The following KIAA1328 variants were observed in gnomAD, a reference collection of about 807,000 sequenced individuals.
The protein encoded by KIAA1328 is protein hinderin.
A neutral mutation model predicts 68.1 loss-of-function variants in KIAA1328; 52 were observed. The ratio of observed to expected loss-of-function variants is 0.76; its 90% CI spans 0.61 to 0.96. KIAA1328 has a LOEUF of 0.96. Ranked by LOEUF, KIAA1328 falls within the 40% of genes least tolerant of loss-of-function variation. The pLI is 0.00. For missense variants in KIAA1328, 641 were observed against 677.6 expected (o/e 0.95, Z 0.60); for synonymous variants, 232 against 239.4 (o/e 0.97, Z 0.28).
At position 36,883,952 on chromosome 18, in the gene KIAA1328, G is replaced by GTATATATA. The variant is rs58707237; in HGVS notation, c.333-1594_333-1587dup. On this transcript the variant is annotated intron_variant, in intron 4 of 9. Transcript: ENST00000280020. ...TACAAATGCTTTCCATATTTATAAA[G>GTATATATA]TATATATATATATATATACACACAC... 1.2e-3 allele frequency among the ~76,000 whole-genome samples: 142 copies of GTATATATA among 120,816 alleles called. 8 individuals are homozygous for GTATATATA. Among genetic ancestry groups the GTATATATA allele is most frequent in the African/African-American group, 4.2e-3 (129 of 30,364 alleles). 79.3% of individuals were successfully genotyped at this position (120,816 alleles called of 152,430 possible).
chr18:37,220,430 T>C (rs982926795), intron 9 of KIAA1328, among the ~76,000 whole-genome samples: 1 of 152,220 alleles, frequency 6.6e-6, no homozygotes, highest in Admixed American at 6.5e-5. Context: ...AATAGTGGGT[T>C]TTTTCCTATC....
Position 36,954,687 on chromosome 18 carries a change from C to CT in KIAA1328, c.449-4603dup, listed in dbSNP as rs35883053. On this transcript the variant is annotated intron_variant, in intron 5 of 9. Transcript: ENST00000280020. ...CTTTCTTCTGTAAAGAAAGACTTCA[C>CT]TTTTTTTTTTTTTTTTTTCTTTTTG... Among the ~76,000 whole-genome samples the CT allele has an allele frequency of 6.4e-3, 769 of 121,048 alleles. 9 individuals are homozygous for CT. Among genetic ancestry groups the CT allele is most frequent in the African/African-American group, 0.018 (642 of 34,996 alleles). 79.4% of individuals were successfully genotyped at this position (121,048 alleles called of 152,430 possible).
At chr18:36,981,140 A>G (rs1242365976) in intron 6 of KIAA1328, among the ~76,000 whole-genome samples, 1 of 152,212 alleles carries the variant, frequency 6.6e-6, no homozygotes, top group Non-Finnish European at 1.5e-5. Flanking sequence ...CATCAGCAAG[A>G]GAAAAATTCA....
intron 9 of KIAA1328, among the ~76,000 whole-genome samples, chr18:37,187,717 C>T (rs886841804): frequency 6.6e-6 from 1 of 152,088 alleles, no homozygotes; most frequent in East Asian, 1.9e-4. Context: ...TTTTTTCCCC[C>T]CACTTGGGCT....
chr18:36,959,187 ACT>A, intron 5 of KIAA1328, 119 bp from the exon 6 acceptor site: 1 of 877,176 alleles, frequency 1.1e-6, no homozygotes, highest in Non-Finnish European at 1.7e-6. Context: ...TATACTTATG[ACT>A]CTCGCCAAAT....
chr18:36,848,448 C>T (rs1208844147), intron 4 of KIAA1328, among the ~76,000 whole-genome samples: 1 of 144,188 alleles, frequency 6.9e-6, no homozygotes, highest in African/African-American at 2.6e-5. Flanking sequence ...TTGTTACAGT[C>T]GTTTTTTGGT....
Position 37,201,060 on chromosome 18 carries a change from C to G in KIAA1328, c.1524-20957C>G, listed in dbSNP as rs897763336. On this transcript the variant is annotated intron_variant, in intron 9 of 9. Coordinates refer to ENST00000280020, the MANE Select transcript of KIAA1328 (RefSeq NM_020776.3). ...CTCAGTGAGGAATTTTTAGGAGCAC[C>G]CAAAATCTAAATTGGGATGACATCA... 1.6e-4 allele frequency among the ~76,000 whole-genome samples: 24 copies of G among 152,160 alleles called. No individual in the cohort carries two copies. In the Middle Eastern group the frequency reaches 0.01, roughly 65 times the overall value.
chr18:37,148,400 C>T (rs1211433949), intron 7 of KIAA1328, among the ~76,000 whole-genome samples: 1 of 152,068 alleles, frequency 6.6e-6, no homozygotes, highest in Non-Finnish European at 1.5e-5. Flanking sequence ...GGGTTGATTC[C>T]ATGTCTTTGC....
At chr18:36,921,995 G>A (rs1368956664) in intron 5 of KIAA1328, among the ~76,000 whole-genome samples, 2 of 151,254 alleles carry the variant, frequency 1.3e-5, no homozygotes, top group Admixed American at 6.6e-5. Context: ...TGGCACGATC[G>A]TGGCTCACTG....
intron 5 of KIAA1328, among the ~76,000 whole-genome samples, chr18:36,922,957 A>G (rs1171986328): frequency 1.3e-5 from 2 of 152,130 alleles, no homozygotes; most frequent in African/African-American, 2.4e-5. Flanking sequence ...CAATATATTG[A>G]TACACTTTAA....
intron 1 of KIAA1328, chr18:36,834,096 G>A: frequency 6.0e-6 from 4 of 670,196 alleles, no homozygotes; most frequent in Non-Finnish European, 8.4e-6. Context: ...AATATATAAA[G>A]GTGAACTTTT....
At chr18:37,078,998 A>G (rs1287866571) in intron 7 of KIAA1328, among the ~76,000 whole-genome samples, 1 of 151,926 alleles carries the variant, frequency 6.6e-6, no homozygotes, top group Non-Finnish European at 1.5e-5. Context: ...CCAAAGGACT[A>G]TAAATCATTC....
chr18:37,105,916 CA>C (rs58940699), intron 7 of KIAA1328, among the ~76,000 whole-genome samples: 148 of 19,496 alleles, frequency 7.6e-3, no homozygotes, highest in Non-Finnish European at 0.015. Flanking sequence ...GACTCTGTGT[CA>C]AAAAAAAAAA....
intron 6 of KIAA1328, among the ~76,000 whole-genome samples, chr18:37,064,620 G>A (rs973591190): frequency 6.9e-6 from 1 of 145,758 alleles, no homozygotes; most frequent in African/African-American, 2.6e-5. Context: ...AAGAGACTTT[G>A]CAGATGTGAT....
chr18:37,147,926 T>A (rs537972443), intron 7 of KIAA1328, among the ~76,000 whole-genome samples: 48 of 152,278 alleles, frequency 3.2e-4, no homozygotes, highest in African/African-American at 1.2e-3. Context: ...GGCTATATAG[T>A]GTAGCCTATT....
At chr18:37,006,611 G>A (rs1272224098) in intron 6 of KIAA1328, among the ~76,000 whole-genome samples, 1 of 151,748 alleles carries the variant, frequency 6.6e-6, no homozygotes, top group African/African-American at 2.4e-5. Context: ...GTGCCATGTT[G>A]GTGTGCTGCA....
chr18:36,920,629 C>T (rs1202943739), intron 5 of KIAA1328, among the ~76,000 whole-genome samples: 1 of 152,154 alleles, frequency 6.6e-6, no homozygotes, highest in Non-Finnish European at 1.5e-5. Context: ...AATTTAGCCC[C>T]ATTTCTAAGA....
At chr18:37,119,240 TAAAGG>T (rs1490023578) in intron 7 of KIAA1328, among the ~76,000 whole-genome samples, 1 of 151,988 alleles carries the variant, frequency 6.6e-6, no homozygotes, top group Admixed American at 6.5e-5. Context: ...GAAAATAAAA[TAAAGG>T]AAAGTTATAG....
intron 7 of KIAA1328, among the ~76,000 whole-genome samples, chr18:37,080,644 A>T (rs1298729604): frequency 6.6e-6 from 1 of 151,866 alleles, no homozygotes; most frequent in Non-Finnish European, 1.5e-5. Context: ...GCATGGTGGC[A>T]GGCACCTGTA....
Sources: allele counts gnomAD v4.1 joint callset (sites outside exome capture counted in the v4.1 genomes callset), GRCh38; gene constraint gnomAD v4.1.1; transcripts MANE v1.5; gene names NCBI Gene and HGNC (gene_info 2026-07-23, HGNC 2026-07-21).